Variants in ANKFN1 observed in about 807,000 individuals in gnomAD.
ANKFN1 encodes the protein ankyrin repeat and fibronectin type III domain containing 1, also known as ankyrin repeat and fibronectin type-III domain-containing protein 1.
Under a neutral mutation model 108.7 loss-of-function variants are expected in ANKFN1, and 74 were observed. The ratio of observed to expected loss-of-function variants is 0.68; its 90% CI spans 0.56 to 0.83. The LOEUF (loss-of-function observed/expected upper bound fraction) is 0.83, where lower values mean the gene tolerates loss of function less well. ANKFN1 is among the 40% of genes least tolerant of loss of function. The pLI, the probability that ANKFN1 is intolerant of heterozygous loss-of-function variation, is 0.00. For missense variants in ANKFN1, 1,505 were observed against 1,382.3 expected (o/e 1.09, Z -1.41); for synonymous variants, 547 against 516.2 (o/e 1.06, Z -0.81).
At chr17:56,341,784 T>G (rs2045966394) in intron 4 of ANKFN1, among the ~76,000 whole-genome samples, 1 of 151,974 alleles carries the variant, frequency 6.6e-6, no homozygotes, top group Non-Finnish European at 1.5e-5. Flanking sequence ...ATTATAGCTC[T>G]GCCAGGTTTT....
At position 56,442,740 on chromosome 17, in the gene ANKFN1, A is replaced by G. The variant is rs1356228518; in HGVS notation, c.1009-103A>G. ...GCATGGGCAACAGAGTTCCAAAGAGATGAAGGAGTTAATCACACATAGTTA... is the reference window on the plus strand; with the variant it reads ...GCATGGGCAACAGAGTTCCAAAGAGGTGAAGGAGTTAATCACACATAGTTA... On this transcript the variant is annotated intron_variant, in intron 9 of 20. Transcript: ENST00000682825. 20 of 971,680 alleles carry G rather than the reference A, an allele frequency of 2.1e-5. No individual in the cohort carries two copies. The East Asian group carries it at 4.1e-4, about 20-fold the overall frequency. 60.2% of individuals were successfully genotyped at this position (971,680 alleles called of 1,614,324 possible).
intron 8 of ANKFN1, among the ~76,000 whole-genome samples, chr17:56,389,882 G>A (rs1188217430): frequency 3.3e-5 from 5 of 151,918 alleles, no homozygotes; most frequent in African/African-American, 9.7e-5. Flanking sequence ...CCTTCTTTTT[G>A]TTCTTGAACC....
rs2145060832 is a variant in ANKFN1 at position 56,422,229 on chromosome 17, A to G, written c.911-18098A>G. On this transcript the variant is annotated intron_variant, in intron 8 of 20. Transcript: ENST00000682825. ...TGCACCTTGCTAACGCATGGTACTT[A>G]TATCTGTCACAAAATGTTTTATTGG... 1.3e-5 allele frequency among the ~76,000 whole-genome samples: 2 copies of G among 152,296 alleles called. 1 individual carries two copies. Among genetic ancestry groups the G allele is most frequent in the Middle Eastern group, 6.8e-3 (2 of 294 alleles).
intron 1 of ANKFN1, among the ~76,000 whole-genome samples, chr17:56,189,179 T>TTTTTTTTTTTTTTTTTTTTGTTTTG (rs1244013476): frequency 3.6e-5 from 4 of 111,378 alleles, no homozygotes; most frequent in African/African-American, 2.0e-4. Context: ...ACTTTTTTTT[T>TTTTTTTTTTTTTTTTTTTTGTTTTG]TTTTTTTTTG....
At chr17:56,101,292 C>G (rs1161347891) in intron 4 of ANKFN1, among the ~76,000 whole-genome samples, 1 of 152,138 alleles carries the variant, frequency 6.6e-6, no homozygotes, top group Non-Finnish European at 1.5e-5. Flanking sequence ...TCTTTCCTCC[C>G]CACTTCTTCT....
At chr17:56,115,087 TACTA>T (rs1906184436) in intron 4 of ANKFN1, among the ~76,000 whole-genome samples, 1 of 152,252 alleles carries the variant, frequency 6.6e-6, no homozygotes, top group Admixed American at 6.5e-5. Flanking sequence ...TGTTTTAAGC[TACTA>T]AGTTTGTGGT....
intron 4 of ANKFN1, among the ~76,000 whole-genome samples, chr17:56,089,718 T>C (rs1905377744): frequency 6.6e-6 from 1 of 151,274 alleles, no homozygotes; most frequent in Admixed American, 6.6e-5. Context: ...TATATCCCCA[T>C]AAAGGTAGTG....
intron 14 of ANKFN1, among the ~76,000 whole-genome samples, chr17:56,462,736 G>A (rs118012633): frequency 0.012 from 1,897 of 152,098 alleles, 40 homozygotes; most frequent in Non-Finnish European, 0.013. Context: ...TTCCAGTTTT[G>A]TATACTACTG....
intron 3 of ANKFN1, among the ~76,000 whole-genome samples, chr17:56,252,968 G>C (rs528780499): frequency 6.6e-6 from 1 of 152,128 alleles, no homozygotes; most frequent in Non-Finnish European, 1.5e-5. Context: ...AGGGTGAGGT[G>C]GGGGGATTGC....
chr17:56,376,022 TG>T (rs1172763411), intron 8 of ANKFN1, among the ~76,000 whole-genome samples: 1 of 152,290 alleles, frequency 6.6e-6, no homozygotes, highest in Non-Finnish European at 1.5e-5. Context: ...CAAGGACATA[TG>T]GAATTACACT....
chr17:56,174,453 G>GAA, intron 1 of ANKFN1: 1 of 975,634 alleles, frequency 1.0e-6, no homozygotes, highest in Non-Finnish European at 1.2e-6. Flanking sequence ...TTGCTTGAGG[G>GAA]TTCTCTGGCT....
chr17:56,327,317 A>C, intron 4 of ANKFN1, among the ~76,000 whole-genome samples: 1 of 151,986 alleles, frequency 6.6e-6, no homozygotes, highest in East Asian at 1.9e-4. Context: ...GCTTTATGGC[A>C]GCATCAATCC....
intron 3 of ANKFN1, among the ~76,000 whole-genome samples, chr17:56,318,988 A>G (rs1650789015): frequency 6.6e-6 from 1 of 152,186 alleles, no homozygotes; most frequent in Non-Finnish European, 1.5e-5. Context: ...GTTGGCAAGT[A>G]GAAAATAGAG....
chr17:56,298,516 T>G (rs1335717238), intron 3 of ANKFN1, among the ~76,000 whole-genome samples: 1 of 152,234 alleles, frequency 6.6e-6, no homozygotes, highest in Non-Finnish European at 1.5e-5. Flanking sequence ...TGTATTTTCC[T>G]TGATGAATTT....
chr17:56,456,827 G>A (rs755804482), intron 11 of ANKFN1, 34 bp from the exon 12 acceptor site: 4 of 1,575,888 alleles, frequency 2.5e-6, no homozygotes, highest in Non-Finnish European at 3.5e-6. Context: ...CTGCCCAGTG[G>A]AATTTATACT....
At chr17:56,412,263 G>C (rs1001429901) in intron 8 of ANKFN1, among the ~76,000 whole-genome samples, 1 of 152,108 alleles carries the variant, frequency 6.6e-6, no homozygotes, top group Non-Finnish European at 1.5e-5. Flanking sequence ...TAATTTCTTG[G>C]ACTATAGTTG....
In ANKFN1 at chr17:56,350,867, A is replaced by G. The variant is rs2046229549; in HGVS notation, c.290A>G (p.Tyr97Cys). Residue 97 changes from tyrosine to cysteine, a missense_variant, in exon 5 of 21, where the codon TAC (tyrosine) becomes TGC (cysteine). Physicochemically the swap from Tyr to Cys is radical, Grantham distance 194. Coordinates refer to ENST00000682825, the MANE Select transcript of ANKFN1 (RefSeq NM_001370326.1). ...TCTCCCAACGCAGCCAAACGCCTGT[A>G]CAGGAACCTCTCTGAGAAACTGAAA... ...PSSPNAAKRL[Y>C]RNLSEKLKGS... 4 of 1,613,886 alleles carry G rather than the reference A, an allele frequency of 2.5e-6. No individual in the cohort carries two copies. The African/African-American group carries it at 5.3e-5, about 22-fold the overall frequency.
chr17:56,305,242 T>C (rs1365481822), intron 3 of ANKFN1, among the ~76,000 whole-genome samples: 1 of 152,142 alleles, frequency 6.6e-6, no homozygotes, highest in Non-Finnish European at 1.5e-5. Flanking sequence ...CATGATTAAA[T>C]TACCTCCCAC....
At chr17:56,480,922 T>TGTG in intron 17 of ANKFN1, 104 bp downstream of exon 17, 1 of 108,444 alleles carries the variant, frequency 9.2e-6, no homozygotes, top group Non-Finnish European at 1.5e-5. Context: ...TGTGTGTGTG[T>TGTG]AAATTTTCCT....
Sources: gnomAD v4.1 joint callset for allele counts (sites outside exome capture counted in the v4.1 genomes callset) on GRCh38, gnomAD v4.1.1 for gene constraint, MANE v1.5 for transcripts, NCBI Gene and HGNC (gene_info 2026-07-23, HGNC 2026-07-21) for gene names.